Variants in TMPRSS7 observed in about 807,000 individuals in gnomAD.
TMPRSS7 encodes transmembrane protease serine 7.
In TMPRSS7, 81 loss-of-function variants were observed where a neutral mutation model predicts 95.6. The observed-to-expected ratio is 0.85, with a 90% CI of 0.71 to 1.02. TMPRSS7 has a LOEUF of 1.02. TMPRSS7 is among the 50% of genes least tolerant of loss of function. The pLI is 0.00. For missense variants in TMPRSS7, 945 were observed against 955.2 expected (o/e 0.99, Z 0.14); for synonymous variants, 364 against 337.8 (o/e 1.08, Z -0.85).
intron 13 of TMPRSS7, among the ~76,000 whole-genome samples, chr3:112,070,250 T>C (rs1041047832): frequency 1.2e-4 from 19 of 152,174 alleles, no homozygotes; most frequent in Non-Finnish European, 2.4e-4. Context: ...TTACTTCCAA[T>C]TATGTGGTCA....
chr3:112,067,311 G>T (rs1258102830), intron 13 of TMPRSS7, among the ~76,000 whole-genome samples: 1 of 152,216 alleles, frequency 6.6e-6, no homozygotes, highest in Non-Finnish European at 1.5e-5. Flanking sequence ...TGTCTTTATA[G>T]TGGCATGATT....
intron 11 of TMPRSS7, 25 bp from the exon 12 acceptor site, chr3:112,063,500 T>C (rs1304422463): frequency 1.3e-6 from 2 of 1,582,518 alleles, no homozygotes; most frequent in Admixed American, 1.7e-5. Context: ...AGATTTTCTA[T>C]TTTTTGATTT....
downstream of TMPRSS7, chr3:112,081,228 C>T: frequency 2.4e-6 from 1 of 408,218 alleles, no homozygotes; most frequent in South Asian, 3.9e-5. Flanking sequence ...GTCAGGAGGT[C>T]AAGACCATCC....
intron 5 of TMPRSS7, among the ~76,000 whole-genome samples, 186 bp from the exon 6 acceptor site, chr3:112,046,787 CA>C (rs748643394): frequency 2.0e-5 from 3 of 152,196 alleles, no homozygotes; most frequent in Non-Finnish European, 4.4e-5. Flanking sequence ...CCAACTCACT[CA>C]TGACTATTCT....
intron 5 of TMPRSS7, among the ~76,000 whole-genome samples, chr3:112,046,145 TG>T (rs1426496542): frequency 6.6e-6 from 1 of 152,208 alleles, no homozygotes; most frequent in Admixed American, 6.5e-5. Context: ...ACAATAGATG[TG>T]GGGACAATAT....
At chr3:112,073,590 G>GT (rs1383662812) in intron 13 of TMPRSS7, among the ~76,000 whole-genome samples, 2 of 152,206 alleles carry the variant, frequency 1.3e-5, no homozygotes, top group Non-Finnish European at 2.9e-5. Context: ...GGGGTTGTCT[G>GT]TTTTTTTCTT....
At chr3:112,043,308 C>G (rs2073235998) in intron 3 of TMPRSS7, among the ~76,000 whole-genome samples, 1 of 152,132 alleles carries the variant, frequency 6.6e-6, no homozygotes, top group Non-Finnish European at 1.5e-5. Flanking sequence ...TTGCTCAGCT[C>G]CATCATAATC....
At chr3:112,069,251 A>G (rs1263483537) in intron 13 of TMPRSS7, among the ~76,000 whole-genome samples, 2 of 152,214 alleles carry the variant, frequency 1.3e-5, no homozygotes, top group African/African-American at 4.8e-5. Context: ...GGATTTTTGC[A>G]TCAATGTTCA....
Position 112,076,945 on chromosome 3 carries a change from C to A in TMPRSS7, c.2025C>A (p.Ser675=), listed in dbSNP as rs61729755. ...TTCAGGGGAATGCCAAGTTTGTCTC[C>A]CCGGTGAGAAGAATTGTGGTCCACG... Residue 675 remains serine, a synonymous_variant, in exon 16 of 18, where the codon TCC becomes TCA. Coordinates refer to ENST00000452346, the Ensembl canonical transcript of TMPRSS7. 10 of 1,614,060 alleles carry A rather than the reference C, an allele frequency of 6.2e-6. No homozygotes were observed. In the African/African-American group the frequency reaches 1.1e-4, roughly 17 times the overall value.
chr3:112,078,461 G>A (rs2073739209), intron 16 of TMPRSS7, among the ~76,000 whole-genome samples: 1 of 152,186 alleles, frequency 6.6e-6, no homozygotes, highest in Non-Finnish European at 1.5e-5. Flanking sequence ...GAAAACAGGA[G>A]GGAAATGGTG....
intron 10 of TMPRSS7, among the ~76,000 whole-genome samples, chr3:112,057,676 A>G (rs1387244321): frequency 6.6e-6 from 1 of 152,164 alleles, no homozygotes; most frequent in East Asian, 1.9e-4. Flanking sequence ...CTAAATCTAT[A>G]ACAGATTACA....
intron 3 of TMPRSS7, among the ~76,000 whole-genome samples, chr3:112,042,713 A>T (rs1207140556): frequency 2.0e-5 from 3 of 152,212 alleles, no homozygotes; most frequent in Non-Finnish European, 2.9e-5. Flanking sequence ...AAAGTTAGCA[A>T]ATCCCTATTT....
intron 1 of TMPRSS7, among the ~76,000 whole-genome samples, chr3:112,037,174 G>C (rs925266045): frequency 6.6e-6 from 1 of 152,208 alleles, no homozygotes; most frequent in Non-Finnish European, 1.5e-5. Flanking sequence ...CTGCCATGCA[G>C]GACAGAGCCA....
intron 6 of TMPRSS7, 169 bp from the exon 7 acceptor site, chr3:112,047,570 A>G: frequency 1.5e-6 from 1 of 670,436 alleles, no homozygotes; most frequent in South Asian, 1.6e-5. Context: ...GATAGTTTCT[A>G]AAGGCAAAAT....
chr3:112,042,688 A>C (rs908071429), intron 3 of TMPRSS7, among the ~76,000 whole-genome samples: 10 of 152,206 alleles, frequency 6.6e-5, no homozygotes, highest in African/African-American at 2.2e-4. Context: ...AAAAAATATA[A>C]GTTACAATAG....
At chr3:112,072,025 C>A (rs1053246875) in intron 13 of TMPRSS7, among the ~76,000 whole-genome samples, 2 of 152,292 alleles carry the variant, frequency 1.3e-5, no homozygotes, top group Middle Eastern at 3.4e-3. Context: ...GGAGAAGAGG[C>A]GCTCTGGTTT....
intron 3 of TMPRSS7, 123 bp from the exon 4 acceptor site, chr3:112,044,131 GC>G: frequency 1.6e-6 from 1 of 643,634 alleles, no homozygotes; most frequent in Non-Finnish European, 2.8e-6. Flanking sequence ...GGAGTTAGGA[GC>G]CTTTATTTTG....
At chr3:112,053,228 G>T (rs565600192) in intron 9 of TMPRSS7, among the ~76,000 whole-genome samples, 1 of 149,510 alleles carries the variant, frequency 6.7e-6, no homozygotes, top group Admixed American at 6.7e-5. Flanking sequence ...ATATTGACTC[G>T]TTATGACAAA....
chr3:112,048,670 T>C (rs182689370), intron 7 of TMPRSS7, among the ~76,000 whole-genome samples: 17 of 152,338 alleles, frequency 1.1e-4, no homozygotes, highest in Non-Finnish European at 2.9e-5. Context: ...TATGCAACAA[T>C]GCTTTATGTG....
Sources: allele counts gnomAD v4.1 joint callset (sites outside exome capture counted in the v4.1 genomes callset), GRCh38; gene constraint gnomAD v4.1.1; transcripts MANE v1.5; gene names NCBI Gene and HGNC (gene_info 2026-07-23, HGNC 2026-07-21).